ALK: variants seen among roughly 807,000 people sequenced by gnomAD.
ALK encodes the protein ALK receptor tyrosine kinase.
Under a neutral mutation model 163.1 loss-of-function variants are expected in ALK, and 74 were observed. The observed-to-expected ratio is 0.45, with a 90% CI of 0.38 to 0.55. ALK has a LOEUF of 0.55. Among genes scored for constraint, ALK ranks in the 20% least tolerant of loss-of-function variants. ALK has a pLI of 0.00. For synonymous variants in ALK, 960 were observed against 843.2 expected (o/e 1.14, Z -2.40); for missense variants, 2,063 against 2,105.3 (o/e 0.98, Z 0.39).
chr2:29,567,524 G>T (rs1464672954), intron 3 of ALK, among the ~76,000 whole-genome samples: 3 of 152,156 alleles, frequency 2.0e-5, no homozygotes, highest in Non-Finnish European at 4.4e-5. Flanking sequence ...TCTAGCAGGG[G>T]TAATATTTGG....
In ALK at chr2:29,320,727, G is replaced by C. The variant is rs1054943844; in HGVS notation, c.1546+24C>G. The stretch of plus-strand genomic sequence containing the variant: ...TGTGGGCATGAAGATGGGCACCAGA[G>C]AGAAGGCAGGAGAGCAGTAGTACCT... On this transcript the variant is annotated intron_variant, in intron 7 of 28. Coordinates refer to ENST00000389048, the MANE Select transcript of ALK (RefSeq NM_004304.5). The C allele has an allele frequency of 6.8e-6, 11 of 1,612,740 alleles. No individual in the cohort carries two copies. In the Admixed American group the frequency reaches 1.5e-4, roughly 22 times the overall value.
chr2:29,263,967 A>C (rs1665150549), intron 11 of ALK, among the ~76,000 whole-genome samples: 1 of 152,234 alleles, frequency 6.6e-6, no homozygotes, highest in African/African-American at 2.4e-5. Flanking sequence ...AAGATCTCCC[A>C]GCTACTTGCA....
intron 4 of ALK, among the ~76,000 whole-genome samples, chr2:29,480,256 G>C (rs533273942): frequency 7.2e-5 from 11 of 152,200 alleles, no homozygotes; most frequent in African/African-American, 2.6e-4. Flanking sequence ...AGGAGGATGA[G>C]GCGAGGCTTT....
At chr2:29,682,115 C>G (rs573216545) in intron 3 of ALK, among the ~76,000 whole-genome samples, 1 of 152,140 alleles carries the variant, frequency 6.6e-6, no homozygotes, top group Non-Finnish European at 1.5e-5. Flanking sequence ...TCTGCCTATT[C>G]TGTTTCCAGA....
chr2:29,668,151 A>AT (rs1159941996), intron 3 of ALK, among the ~76,000 whole-genome samples: 6 of 151,960 alleles, frequency 3.9e-5, no homozygotes, highest in African/African-American at 1.4e-4. Flanking sequence ...TTCATTTCTA[A>AT]TTTCATTATT....
chr2:29,407,712 C>T (rs1407910923), intron 4 of ALK, among the ~76,000 whole-genome samples: 1 of 152,186 alleles, frequency 6.6e-6, no homozygotes, highest in African/African-American at 2.4e-5. Flanking sequence ...TCCCTACACA[C>T]CCTTTGACCC....
intron 1 of ALK, among the ~76,000 whole-genome samples, chr2:29,912,178 GA>G (rs1444809105): frequency 7.9e-5 from 12 of 151,674 alleles, no homozygotes; most frequent in Non-Finnish European, 1.8e-4. Flanking sequence ...ATTGGTGCAG[GA>G]AAAAAAGGAG....
intron 5 of ALK, among the ~76,000 whole-genome samples, chr2:29,343,478 G>A (rs1328484016): frequency 6.6e-6 from 1 of 152,048 alleles, no homozygotes; most frequent in South Asian, 2.1e-4. Context: ...GCCTCCCAAA[G>A]TGTTGAGATG....
At chr2:29,724,663 C>G (rs1443524998) in intron 1 of ALK, among the ~76,000 whole-genome samples, 1 of 152,176 alleles carries the variant, frequency 6.6e-6, no homozygotes, top group Non-Finnish European at 1.5e-5. Flanking sequence ...CATACCTTCT[C>G]TAGGCCTGGA....
chr2:29,277,597 T>C (rs1384269500), intron 9 of ALK, among the ~76,000 whole-genome samples: 3 of 152,250 alleles, frequency 2.0e-5, no homozygotes, highest in Non-Finnish European at 4.4e-5. Flanking sequence ...GTTGTAGCCG[T>C]GGCCAGCATC....
At chr2:29,447,491 C>T (rs1222823811) in intron 4 of ALK, among the ~76,000 whole-genome samples, 1 of 152,172 alleles carries the variant, frequency 6.6e-6, no homozygotes, top group African/African-American at 2.4e-5. Context: ...TTTATTATAA[C>T]TCAGTCCAAG....
chr2:29,738,898 C>T (rs985969320), intron 1 of ALK, among the ~76,000 whole-genome samples: 1 of 151,964 alleles, frequency 6.6e-6, no homozygotes, highest in Admixed American at 6.5e-5. Flanking sequence ...ACAATAATTT[C>T]TAGGATATCT....
intron 1 of ALK, among the ~76,000 whole-genome samples, chr2:29,852,506 C>G (rs1666024711): frequency 1.3e-5 from 2 of 152,210 alleles, no homozygotes; most frequent in South Asian, 4.1e-4. Flanking sequence ...AGACAGATCT[C>G]TCAATCCCAG....
At chr2:29,808,162 G>C (rs1013024345) in intron 1 of ALK, among the ~76,000 whole-genome samples, 11 of 152,164 alleles carry the variant, frequency 7.2e-5, no homozygotes, top group Non-Finnish European at 1.3e-4. Flanking sequence ...AACAGTCTAT[G>C]GGAAAAGATA....
At chr2:29,392,970 A>G (rs74876905) in intron 4 of ALK, among the ~76,000 whole-genome samples, 1 of 14,482 alleles carries the variant, frequency 6.9e-5, no homozygotes, top group African/African-American at 1.8e-4. Context: ...TGTGTTTAAG[A>G]TCACTCAAAG....
chr2:29,702,760 T>C (rs1678782744), intron 2 of ALK, among the ~76,000 whole-genome samples: 1 of 152,218 alleles, frequency 6.6e-6, no homozygotes, highest in East Asian at 1.9e-4. Flanking sequence ...CAAGAGTGTG[T>C]GTGCAGGGGA....
chr2:29,286,578 G>A (rs563692098), intron 9 of ALK: 12 of 151,896 alleles, frequency 7.9e-5, no homozygotes, highest in East Asian at 7.7e-4. Flanking sequence ...GGAAACCATC[G>A]TCCTACACTG....
intron 5 of ALK, among the ~76,000 whole-genome samples, chr2:29,374,325 AG>A (rs1241216163): frequency 6.6e-6 from 1 of 152,170 alleles, no homozygotes; most frequent in Non-Finnish European, 1.5e-5. Flanking sequence ...AAGCTCAAAA[AG>A]GTGGTGAGCG....
intron 4 of ALK, among the ~76,000 whole-genome samples, chr2:29,529,376 C>A (rs1673055256): frequency 6.6e-6 from 1 of 152,208 alleles, no homozygotes; most frequent in Non-Finnish European, 1.5e-5. Context: ...TCATCACATT[C>A]AACATCACCA....
Sources: allele counts gnomAD v4.1 joint callset (sites outside exome capture counted in the v4.1 genomes callset), GRCh38; gene constraint gnomAD v4.1.1; transcripts MANE v1.5; gene names NCBI Gene and HGNC (gene_info 2026-07-23, HGNC 2026-07-21).